SBF2: variants seen among roughly 807,000 people sequenced by gnomAD.
SBF2 encodes myotubularin-related protein 13.
SBF2 carries 112 observed loss-of-function variants against 225.2 expected under a neutral mutation model. The ratio of observed to expected loss-of-function variants is 0.50; its 90% CI spans 0.43 to 0.58. The LOEUF is 0.58. Among genes scored for constraint, SBF2 ranks in the 20% least tolerant of loss-of-function variants. The probability of loss-of-function intolerance (pLI) is 0.00; values close to 1 mark genes in which losing one functional copy is unlikely to be tolerated. For synonymous variants in SBF2, 763 were observed against 773.3 expected (o/e 0.99, Z 0.22); for missense variants, 1,996 against 2,206.2 (o/e 0.90, Z 1.91).
chr11:10,287,897 C>T (rs555411163), intron 1 of SBF2, among the ~76,000 whole-genome samples: 28 of 152,298 alleles, frequency 1.8e-4, no homozygotes, highest in African/African-American at 6.0e-4. Flanking sequence ...GGTGTGTAAG[C>T]GAGCGTACAG....
chr11:10,001,003 G>C lies in SBF2; in HGVS notation c.772C>G (p.Leu258Val), dbSNP rs753460066. The part of the protein sequence containing the change: ...LKYSYPYIPI[L>V]PAQLLEVLSS... The stretch of plus-strand genomic sequence containing the variant: ...AGAACTTCCAGTAGCTGAGCCGGGA[G>C]AATAGGGATATAAGGATAACTGGAA... Residue 258 changes from leucine to valine, a missense_variant, in exon 8 of 40, where the codon CTC (leucine) becomes GTC (valine). Physicochemically the swap from Leu to Val is conservative, Grantham distance 32. Coordinates refer to ENST00000256190, the MANE Select transcript of SBF2 (RefSeq NM_030962.4). 2 of 1,583,520 alleles carry C rather than the reference G, an allele frequency of 1.3e-6. No homozygotes were observed. The highest frequency in any genetic ancestry group is 1.7e-5 in the Admixed American group (1 of 59,994).
At chr11:10,025,352 G>C (rs1949012787) in intron 6 of SBF2, among the ~76,000 whole-genome samples, 1 of 151,836 alleles carries the variant, frequency 6.6e-6, no homozygotes, top group Non-Finnish European at 1.5e-5. Context: ...GGCCTTTTAT[G>C]GTCTCAACTC....
intron 1 of SBF2, among the ~76,000 whole-genome samples, chr11:10,288,776 C>G (rs1467061914): frequency 2.0e-5 from 3 of 152,168 alleles, no homozygotes; most frequent in Non-Finnish European, 4.4e-5. Flanking sequence ...TCTCTCCATC[C>G]TCTGCTCTGC....
chr11:10,288,031 C>T (rs545938336), intron 1 of SBF2, among the ~76,000 whole-genome samples: 4 of 152,302 alleles, frequency 2.6e-5, no homozygotes, highest in Admixed American at 6.5e-5. Flanking sequence ...ACAGCTTCCC[C>T]GGCCGGCACC....
At chr11:10,053,790 T>C (rs573312535) in intron 2 of SBF2, among the ~76,000 whole-genome samples, 2 of 151,620 alleles carry the variant, frequency 1.3e-5, no homozygotes, top group Non-Finnish European at 2.9e-5. Flanking sequence ...AGTAGTGGCA[T>C]GCACCTGTAG....
At chr11:9,922,908 T>G (rs1863744974) in intron 16 of SBF2, among the ~76,000 whole-genome samples, 1 of 151,130 alleles carries the variant, frequency 6.6e-6, no homozygotes, top group Non-Finnish European at 1.5e-5. Flanking sequence ...CACCAGGAGG[T>G]TGCCTCGAGA....
At chr11:9,849,159 A>T (rs574172550) in intron 22 of SBF2, among the ~76,000 whole-genome samples, 1 of 152,274 alleles carries the variant, frequency 6.6e-6, no homozygotes, top group African/African-American at 2.4e-5. Context: ...CAATTGTTTG[A>T]GGGTTGGGCC....
chr11:10,004,813 G>A (rs1350289914), intron 6 of SBF2, among the ~76,000 whole-genome samples: 3 of 152,102 alleles, frequency 2.0e-5, no homozygotes, highest in Admixed American at 2.0e-4. Context: ...TCAGTAAAAG[G>A]CTAATCAGAG....
intron 2 of SBF2, among the ~76,000 whole-genome samples, chr11:10,185,961 C>T (rs1169702972): frequency 6.6e-6 from 1 of 152,136 alleles, no homozygotes; most frequent in African/African-American, 2.4e-5. Flanking sequence ...CTCTCAAAAA[C>T]ATTCTGGTTT....
At chr11:9,833,466 G>A (rs915089032) in intron 26 of SBF2, among the ~76,000 whole-genome samples, 2 of 149,224 alleles carry the variant, frequency 1.3e-5, no homozygotes, top group African/African-American at 2.5e-5. Flanking sequence ...TGTCGCCCAG[G>A]CTGGAGTGCA....
chr11:10,088,040 T>TC (rs1951641219), intron 2 of SBF2, among the ~76,000 whole-genome samples: 1 of 151,644 alleles, frequency 6.6e-6, no homozygotes, highest in South Asian at 2.1e-4. Flanking sequence ...TTTTTTTTTT[T>TC]CCAGACAAGG....
chr11:10,002,431 A>G, intron 7 of SBF2, 126 bp downstream of exon 7: 2 of 776,854 alleles, frequency 2.6e-6, no homozygotes, highest in South Asian at 1.7e-5. Flanking sequence ...TATGACTCAT[A>G]TAACAGCATA....
intron 16 of SBF2, among the ~76,000 whole-genome samples, chr11:9,920,693 A>C (rs1742734817): frequency 6.6e-6 from 1 of 152,156 alleles, no homozygotes; most frequent in African/African-American, 2.4e-5. Flanking sequence ...TACTGGTTTT[A>C]AAATACTAGC....
intron 38 of SBF2, among the ~76,000 whole-genome samples, chr11:9,781,990 G>A (rs1832694826): frequency 6.6e-6 from 1 of 152,042 alleles, no homozygotes; most frequent in Admixed American, 6.5e-5. Flanking sequence ...TTCGAGACCA[G>A]CCTGGGCAAC....
At chr11:10,006,161 C>A (rs879341551) in intron 6 of SBF2, among the ~76,000 whole-genome samples, 1 of 152,190 alleles carries the variant, frequency 6.6e-6, no homozygotes, top group African/African-American at 2.4e-5. Context: ...CCCTCCGGAC[C>A]GTCCACCTCG....
At chr11:9,952,247 CACAAACAAACAA>C (rs57243169) in intron 16 of SBF2, among the ~76,000 whole-genome samples, 17,186 of 149,468 alleles carry the variant, frequency 0.11, 1,094 homozygotes, top group Non-Finnish European at 0.13. Context: ...AAAATAAATA[CACAAACAAACAA>C]ACAAACAAAC....
chr11:9,871,966 T>C (rs576964105), intron 17 of SBF2, among the ~76,000 whole-genome samples: 1 of 152,328 alleles, frequency 6.6e-6, no homozygotes, highest in African/African-American at 2.4e-5. Flanking sequence ...ATCCCATTAC[T>C]GGGTATACGC....
At chr11:10,028,916 T>C (rs1280210458) in intron 5 of SBF2, among the ~76,000 whole-genome samples, 3 of 152,062 alleles carry the variant, frequency 2.0e-5, no homozygotes, top group Non-Finnish European at 2.9e-5. Context: ...TTCTGCCCTT[T>C]GAGCAGAGGT....
intron 6 of SBF2, among the ~76,000 whole-genome samples, chr11:10,009,731 T>A (rs1015891363): frequency 4.6e-5 from 7 of 152,228 alleles, no homozygotes; most frequent in Non-Finnish European, 7.3e-5. Flanking sequence ...CGTGTGCATG[T>A]GTCTTTACAG....
Sources: allele counts gnomAD v4.1 joint callset (sites outside exome capture counted in the v4.1 genomes callset), GRCh38; gene constraint gnomAD v4.1.1; transcripts MANE v1.5; gene names NCBI Gene and HGNC (gene_info 2026-07-23, HGNC 2026-07-21).